Variants in PCDHGA11 observed in about 807,000 individuals in gnomAD.
PCDHGA11 encodes protocadherin gamma-A11.
Under a neutral mutation model 60.4 loss-of-function variants are expected in PCDHGA11, and 39 were observed. That is an observed-to-expected ratio of 0.65 (90% CI 0.50 to 0.84). PCDHGA11 has a LOEUF of 0.84. PCDHGA11 is among the 40% of genes least tolerant of loss of function. The pLI is 0.00. For missense variants in PCDHGA11, 1,165 were observed against 1,197.7 expected, an observed-to-expected ratio of 0.97 and a Z score of 0.40; for synonymous variants, 533 against 510.3, an observed-to-expected ratio of 1.04 and a Z score of -0.60.
intron 1 of PCDHGA11, among the ~76,000 whole-genome samples, chr5:141,465,592 A>G (rs1485357197): frequency 6.6e-6 from 1 of 152,046 alleles, no homozygotes; most frequent in Non-Finnish European, 1.5e-5. Flanking sequence ...TAATAATCAG[A>G]TCTTATCACT....
At position 141,490,821 on chromosome 5, in the gene PCDHGA11, G is replaced by A. The variant is rs907584239; in HGVS notation, c.2434-3986G>A. On this transcript the variant is annotated intron_variant, in intron 1 of 3. Transcript: ENST00000398587. The surrounding 1 kb of genome is among the most constrained non-coding windows in gnomAD (Gnocchi z 5.4). ...AGCGTACCTTTGACTATGAATTGCT[G>A]CAGATGCTGCAGATTGTGGTGGGGG... 6.2e-7 allele frequency: 1 copy of A among 1,613,876 alleles called. No homozygotes were observed. Among genetic ancestry groups the A allele is most frequent in the Non-Finnish European group, 8.5e-7 (1 of 1,179,826 alleles).
chr5:141,497,497 C>T (rs1318882060), intron 2 of PCDHGA11, among the ~76,000 whole-genome samples: 1 of 151,714 alleles, frequency 6.6e-6, no homozygotes, highest in Non-Finnish European at 1.5e-5. Context: ...TCTCTCTCTC[C>T]TCTCTCTGCT....
intron 1 of PCDHGA11, chr5:141,441,448 A>T (rs1415765869): frequency 1.2e-5 from 2 of 161,528 alleles, no homozygotes; most frequent in Non-Finnish European, 2.7e-5. Context: ...CAGCCCAAGC[A>T]TCACCCTACT....
In PCDHGA11 at chr5:141,511,261, G is replaced by A; in HGVS notation, c.*88G>A. On this transcript the variant is annotated 3_prime_UTR_variant, in exon 4 of 4. Transcript: ENST00000398587. The stretch of plus-strand genomic sequence containing the variant: ...CTGCACCCAGGCCTCAGAGTTTCAG[G>A]GCTAACCCCCAGAATACTGGTAGGG... 2 of 1,557,474 alleles carry A rather than the reference G, an allele frequency of 1.3e-6. No homozygotes were observed. The highest frequency in any genetic ancestry group is 1.4e-5 in the African/African-American group (1 of 73,440).
rs983998465 is a variant in PCDHGA11 at position 141,494,817 on chromosome 5, C to T, written c.2444C>T (p.Pro815Leu). ...CDPTSNQQAP[P>L]NTDWRFSQAQ... ...CTGTTTTCTCCACAGCAAGCCCCGC[C>T]CAACACGGACTGGCGTTTCTCTCAG... The change falls in exon 2 of 4, where the codon CCC becomes CTC. Residue 815 changes from proline to leucine, a missense_variant. Transcript: ENST00000398587. 1.2e-6 allele frequency: 2 copies of T among 1,614,016 alleles called. No individual in the cohort carries two copies. Among genetic ancestry groups the T allele is most frequent in the Non-Finnish European group, 1.7e-6 (2 of 1,180,026 alleles).
At position 141,423,105 on chromosome 5, in the gene PCDHGA11, G is replaced by C. The variant is rs1480411428; in HGVS notation, c.1878G>C (p.Glu626Asp). Residue 626 changes from glutamate (E) to aspartate (D), a missense_variant, in exon 1 of 4, where the codon GAG (glutamate) becomes GAC (aspartate). Transcript: ENST00000398587. ...TCGCGGTGGGGGAGCACACGGGCGA[G>C]GTGCGTACAGCGCGGGCACTGCTGG... ...GLFAVGEHTG[E>D]VRTARALLDR... 3 of 1,613,920 alleles carry C rather than the reference G, an allele frequency of 1.9e-6. No individual in the cohort carries two copies. Among genetic ancestry groups the C allele is most frequent in the East Asian group, 4.5e-5 (2 of 44,880 alleles).
At chr5:141,507,017 C>CACTT (rs763489200) in intron 3 of PCDHGA11, 1 of 152,206 alleles carries the variant, frequency 6.6e-6, no homozygotes, top group Non-Finnish European at 1.5e-5. Flanking sequence ...ACCGAGAAGG[C>CACTT]ACTTGCCCCA....
rs946798767 is a variant in PCDHGA11 at position 141,438,591 on chromosome 5, C to CATATAT, written c.2433+14971_2433+14976dup. Among the ~76,000 whole-genome samples the CATATAT allele has an allele frequency of 1.5e-3, 111 of 75,470 alleles. 1 individual carries two copies. Among genetic ancestry groups the CATATAT allele is most frequent in the Non-Finnish European group, 2.3e-3 (84 of 37,244 alleles). 49.5% of individuals were successfully genotyped at this position (75,470 alleles called of 152,430 possible). A position where few individuals can be genotyped will look rare whatever the true frequency, so the allele number is the denominator to read the frequency against. ...TCTGATATACATACATACATACATA[C>CATATAT]ATATATATATATATATATATATATA... On this transcript the variant is annotated intron_variant, in intron 1 of 3. Transcript: ENST00000398587.
chr5:141,478,155 G>A (rs138384601), intron 1 of PCDHGA11: 1 of 1,613,992 alleles, frequency 6.2e-7, no homozygotes, highest in Non-Finnish European at 8.5e-7. Context: ...TTCCCCTCTG[G>A]CTCTGCCCCC....
intron 1 of PCDHGA11, among the ~76,000 whole-genome samples, chr5:141,480,704 G>A (rs545986902): frequency 8.5e-5 from 13 of 152,206 alleles, no homozygotes; most frequent in East Asian, 5.8e-4. Flanking sequence ...GCCACACCCC[G>A]ACAAATGAAA....
At chr5:141,460,616 T>C (rs905095529) in intron 1 of PCDHGA11, among the ~76,000 whole-genome samples, 8 of 152,114 alleles carry the variant, frequency 5.3e-5, no homozygotes, top group Non-Finnish European at 7.4e-5. Context: ...GATGGATAGA[T>C]AGACAGATAC....
At chr5:141,438,159 T>TA (rs974013542) in intron 1 of PCDHGA11, among the ~76,000 whole-genome samples, 44 of 152,258 alleles carry the variant, frequency 2.9e-4, no homozygotes, top group African/African-American at 9.9e-4. Context: ...ATGGCAAAGC[T>TA]AATTGGAAAA....
intron 3 of PCDHGA11, among the ~76,000 whole-genome samples, chr5:141,509,336 GC>G (rs2099876304): frequency 6.6e-6 from 1 of 152,178 alleles, no homozygotes; most frequent in Non-Finnish European, 1.5e-5. Context: ...TGCCAGCTGG[GC>G]CTGGGCTGGC....
In PCDHGA11 at chr5:141,423,558, G is replaced by A. The variant is rs770532900; in HGVS notation, c.2331G>A (p.Gly777=). 1 of 1,613,462 alleles carries A rather than the reference G, an allele frequency of 6.2e-7. No homozygotes were observed. The highest frequency in any genetic ancestry group is 1.3e-5 in the African/African-American group (1 of 74,906). Reference sequence around the variant, plus strand: ...TGATTTTCCCCCAGCCCAACTATGGGGACACGCTCATCAGCCAGGAGAGCT... The same window carrying A: ...TGATTTTCCCCCAGCCCAACTATGGAGACACGCTCATCAGCCAGGAGAGCT... ...SHLIFPQPNY[G]DTLISQESCE... The change falls in exon 1 of 4, where the codon GGG becomes GGA. Residue 777 remains glycine, a synonymous_variant. Transcript: ENST00000398587.
intron 1 of PCDHGA11, among the ~76,000 whole-genome samples, chr5:141,457,594 TA>T (rs1239366532): frequency 6.6e-6 from 1 of 152,250 alleles, no homozygotes; most frequent in Non-Finnish European, 1.5e-5. Flanking sequence ...TCATTTTTGG[TA>T]AAAACTAATT....
chr5:141,493,346 C>T lies in PCDHGA11; in HGVS notation c.2434-1461C>T, dbSNP rs766845200. Among the ~76,000 whole-genome samples, 5 of 152,172 alleles carry T rather than the reference C, an allele frequency of 3.3e-5. No individual in the cohort carries two copies. Among genetic ancestry groups the T allele is most frequent in the Non-Finnish European group, 7.3e-5 (5 of 68,028 alleles). On this transcript the variant is annotated intron_variant, in intron 1 of 3. Coordinates refer to ENST00000398587, the MANE Select transcript of PCDHGA11 (RefSeq NM_018914.3). The surrounding 1 kb of genome is among the most constrained non-coding windows in gnomAD (Gnocchi z 4.3). Reference sequence around the variant, plus strand: ...CCCCTGTCTAACTCCAGAATGTGTGCTTTTAATTTCTTGGCACTTGGAACT... The same window carrying T: ...CCCCTGTCTAACTCCAGAATGTGTGTTTTTAATTTCTTGGCACTTGGAACT...
At chr5:141,465,657 G>A (rs904553709) in intron 1 of PCDHGA11, among the ~76,000 whole-genome samples, 4 of 152,130 alleles carry the variant, frequency 2.6e-5, no homozygotes, top group East Asian at 1.9e-4. Flanking sequence ...CCAAAAAAGC[G>A]CTTGCCATGA....
chr5:141,487,032 C>T lies in PCDHGA11; in HGVS notation c.2434-7775C>T. 6.2e-7 allele frequency: 1 copy of T among 1,614,210 alleles called. No individual in the cohort carries two copies. The highest frequency in any genetic ancestry group is 1.1e-5 in the South Asian group (1 of 91,084). ...GAGGCCCCAGATCCCAGCCTGTTTG[C>T]AGTCTCTCGATATGCTGGGGAGGTG... On this transcript the variant is annotated intron_variant, in intron 1 of 3. Coordinates refer to ENST00000398587, the MANE Select transcript of PCDHGA11 (RefSeq NM_018914.3). The surrounding 1 kb of genome is among the most constrained non-coding windows in gnomAD (Gnocchi z 5.0).
In PCDHGA11 at chr5:141,485,340, C is replaced by T. The variant is rs139641513; in HGVS notation, c.2434-9467C>T. ...GTCGCTCAAGATTTCCTGCTGGATA[C>T]GGACAGTCTGTCAGCTCGCAGGCTG... is the stretch of plus-strand genomic sequence containing the variant. On this transcript the variant is annotated intron_variant, in intron 1 of 3. Coordinates refer to ENST00000398587, the MANE Select transcript of PCDHGA11 (RefSeq NM_018914.3). This position sits in a 1 kb window ranked among gnomAD's most constrained non-coding sequence, Gnocchi z 5.7. 1.2e-6 allele frequency: 2 copies of T among 1,613,958 alleles called. No individual in the cohort carries two copies. Among genetic ancestry groups the T allele is most frequent in the East Asian group, 2.2e-5 (1 of 44,884 alleles).
Sources: gnomAD v4.1 joint callset for allele counts (sites outside exome capture counted in the v4.1 genomes callset) on GRCh38, gnomAD v4.1.1 for gene constraint, Gnocchi (gnomAD v3.1) non-coding constraint, MANE v1.5 for transcripts, NCBI Gene and HGNC (gene_info 2026-07-23, HGNC 2026-07-21) for gene names.